UBE2D2: variants seen among roughly 807,000 people sequenced by gnomAD.
UBE2D2 encodes the protein ubiquitin-conjugating enzyme E2 D2.
Under a neutral mutation model 24.2 loss-of-function variants are expected in UBE2D2, and 2 were observed. That is an observed-to-expected ratio of 0.08 (90% CI 0.03 to 0.26). The LOEUF (loss-of-function observed/expected upper bound fraction) is 0.26, where lower values mean the gene tolerates loss of function less well. UBE2D2 is among the 10% of genes least tolerant of loss of function. The pLI is 1.00. For synonymous variants in UBE2D2, 58 were observed against 56.5 expected (o/e 1.03, Z -0.12); for missense variants, 44 against 177.6 (o/e 0.25, Z 4.28).
intron 1 of UBE2D2, among the ~76,000 whole-genome samples, chr5:139,574,344 A>G (rs1408608179): frequency 6.6e-6 from 1 of 151,766 alleles, no homozygotes; most frequent in Non-Finnish European, 1.5e-5. Flanking sequence ...TATAATACAT[A>G]TTAGTAATTA....
intron 1 of UBE2D2, among the ~76,000 whole-genome samples, chr5:139,552,137 T>G (rs1358914855): frequency 1.3e-5 from 2 of 152,046 alleles, no homozygotes; most frequent in African/African-American, 4.8e-5. Context: ...TAGATTAGCC[T>G]CTAATAGATA....
At chr5:139,600,314 TAA>T in intron 1 of UBE2D2, 56 bp from the exon 2 acceptor site, 1 of 1,560,450 alleles carries the variant, frequency 6.4e-7, no homozygotes. Flanking sequence ...TAAACTTTAG[TAA>T]TGGATAAAAG....
At chr5:139,608,076 G>A (rs147881208) in intron 2 of UBE2D2, among the ~76,000 whole-genome samples, 104 of 151,766 alleles carry the variant, frequency 6.9e-4, no homozygotes, top group African/African-American at 2.5e-3. Flanking sequence ...TTTTTGTAGC[G>A]TGGGTATGAA....
chr5:139,557,125 G>A (rs934551031), upstream of UBE2D2, among the ~76,000 whole-genome samples: 16 of 150,514 alleles, frequency 1.1e-4, no homozygotes, highest in African/African-American at 3.2e-4. Flanking sequence ...GAGTCACTGT[G>A]CCCAGCCAAC....
chr5:139,548,197 T>A (rs201586146), intron 1 of UBE2D2, among the ~76,000 whole-genome samples: 2,738 of 32,590 alleles, frequency 0.084, 21 homozygotes, highest in African/African-American at 0.097. Context: ...AAAAAAAAAA[T>A]AAATAAATAA....
intron 6 of UBE2D2, among the ~76,000 whole-genome samples, chr5:139,624,935 T>C (rs1754583093): frequency 6.6e-6 from 1 of 152,198 alleles, no homozygotes; most frequent in Non-Finnish European, 1.5e-5. Context: ...AACTGTTTTG[T>C]CCGATATTTA....
chr5:139,591,928 G>C (rs892638533), intron 1 of UBE2D2, among the ~76,000 whole-genome samples: 1 of 152,082 alleles, frequency 6.6e-6, no homozygotes, highest in Non-Finnish European at 1.5e-5. Context: ...GGCCGGGCGC[G>C]GTGGCTCATG....
intron 1 of UBE2D2, among the ~76,000 whole-genome samples, chr5:139,534,289 A>G (rs1039205233): frequency 6.6e-6 from 1 of 151,758 alleles, no homozygotes; most frequent in African/African-American, 2.4e-5. Flanking sequence ...AAAATTAGCC[A>G]GGGGCAGTGG....
At chr5:139,538,921 T>A (rs138861012) in intron 1 of UBE2D2, among the ~76,000 whole-genome samples, 30 of 149,804 alleles carry the variant, frequency 2.0e-4, no homozygotes, top group African/African-American at 7.1e-4. Flanking sequence ...AATAAAAAAA[T>A]GTTTAAGTAC....
chr5:139,609,349 C>T (rs1174849794), intron 2 of UBE2D2, among the ~76,000 whole-genome samples: 1 of 151,918 alleles, frequency 6.6e-6, no homozygotes, highest in Non-Finnish European at 1.5e-5. Context: ...TCAAGACCAT[C>T]CTGGACAACA....
chr5:139,541,222 TGA>T (rs1433725829), intron 1 of UBE2D2, among the ~76,000 whole-genome samples: 1 of 148,762 alleles, frequency 6.7e-6, no homozygotes, highest in Non-Finnish European at 1.5e-5. Context: ...CACTTGAACC[TGA>T]GAGATGGAGG....
intron 1 of UBE2D2, among the ~76,000 whole-genome samples, chr5:139,585,766 G>A (rs920710191): frequency 6.6e-6 from 1 of 151,704 alleles, no homozygotes; most frequent in African/African-American, 2.4e-5. Context: ...CATTAAAGGG[G>A]TAGAGAAGAG....
At chr5:139,587,145 T>C (rs988762553) in intron 1 of UBE2D2, among the ~76,000 whole-genome samples, 3 of 152,146 alleles carry the variant, frequency 2.0e-5, no homozygotes, top group Non-Finnish European at 4.4e-5. Context: ...AAGCTGTGGG[T>C]CACGGAAGAG....
At chr5:139,573,520 T>A (rs1200560403) in intron 1 of UBE2D2, among the ~76,000 whole-genome samples, 1 of 152,202 alleles carries the variant, frequency 6.6e-6, no homozygotes, top group Admixed American at 6.5e-5. Flanking sequence ...ACAGACTGCA[T>A]ATTTTGCAGT....
chr5:139,532,953 C>G (rs1752615638), intron 1 of UBE2D2, among the ~76,000 whole-genome samples: 1 of 151,538 alleles, frequency 6.6e-6, no homozygotes, highest in Non-Finnish European at 1.5e-5. Flanking sequence ...CTAAAAAATA[C>G]AAAAATTAGC....
intron 2 of UBE2D2, among the ~76,000 whole-genome samples, chr5:139,613,659 T>C (rs1324117275): frequency 1.3e-5 from 2 of 152,166 alleles, no homozygotes; most frequent in Non-Finnish European, 2.9e-5. Flanking sequence ...TTTCTTTCTT[T>C]AATGAGGGCC....
intron 2 of UBE2D2, among the ~76,000 whole-genome samples, chr5:139,600,839 C>G (rs191733652): frequency 6.6e-6 from 1 of 152,112 alleles, no homozygotes; most frequent in African/African-American, 2.4e-5. Context: ...CTCGCTCTGT[C>G]AAGCCCGGGC....
intron 1 of UBE2D2, among the ~76,000 whole-genome samples, chr5:139,587,423 G>A (rs562014457): frequency 2.6e-5 from 4 of 152,264 alleles, no homozygotes; most frequent in Non-Finnish European, 5.9e-5. Flanking sequence ...GCTCACGCCT[G>A]TATTCCCAGC....
At chr5:139,559,086 C>A (rs1227230248), upstream of UBE2D2, among the ~76,000 whole-genome samples, 1 of 151,948 alleles carries the variant, frequency 6.6e-6, no homozygotes, top group Non-Finnish European at 1.5e-5. Flanking sequence ...CAGGCGTGTC[C>A]AGGAGCTTTT....
Sources: gnomAD v4.1 joint callset for allele counts (sites outside exome capture counted in the v4.1 genomes callset) on GRCh38, gnomAD v4.1.1 for gene constraint, MANE v1.5 for transcripts, NCBI Gene and HGNC (gene_info 2026-07-23, HGNC 2026-07-21) for gene names.